MEST: variants seen among roughly 807,000 people sequenced by gnomAD.
The protein encoded by MEST is mesoderm specific transcript.
In MEST, 18 loss-of-function variants were observed where a neutral mutation model predicts 50.9. That is an observed-to-expected ratio of 0.35 (90% CI 0.24 to 0.52). The LOEUF (loss-of-function observed/expected upper bound fraction) is 0.52, where lower values mean the gene tolerates loss of function less well. MEST is among the 20% of genes least tolerant of loss of function. MEST has a pLI of 0.94. For missense variants in MEST, 282 were observed against 425.3 expected (o/e 0.66, Z 2.96); for synonymous variants, 130 against 154.1 (o/e 0.84, Z 1.16).
At position 130,500,809 on chromosome 7, in the gene MEST, C is replaced by T. The variant is rs1406495094; in HGVS notation, c.668C>T (p.Pro223Leu). 5 of 1,612,978 alleles carry T rather than the reference C, an allele frequency of 3.1e-6. No homozygotes were observed. Among genetic ancestry groups the T allele is most frequent in the Admixed American group, 3.3e-5 (2 of 59,810 alleles). Residue 223 changes from proline (P) to leucine (L), a missense_variant, in exon 9 of 12, where the codon CCG becomes CTG. Transcript: ENST00000223215. The surrounding 1 kb of genome is among the most constrained non-coding windows in gnomAD (Gnocchi z 5.0). ...FSRGLTPVFG[P>L]YTRPSESELW... ...TTCAGTCTCACCCCAGTCTTTGGGC[C>T]GTATACTCGGCCCTCTGAGAGTGAG...
rs1309247981 is a variant in MEST, at chr7:130,493,000, C to G, written c.26+661C>G. Among the ~76,000 whole-genome samples, 2 of 152,096 alleles carry G rather than the reference C, an allele frequency of 1.3e-5. No individual in the cohort carries two copies. The highest frequency in any genetic ancestry group is 3.9e-4 in the East Asian group (2 of 5,184). The stretch of plus-strand genomic sequence containing the variant: ...GAACCCCGGTGTCTCCGTGGCGCAC[C>G]TTAGGATTTCAAGAACGGGATAATC... On this transcript the variant is annotated intron_variant, in intron 1 of 11. Coordinates refer to ENST00000223215, the MANE Select transcript of MEST (RefSeq NM_002402.4). This position sits in a 1 kb window ranked among gnomAD's most constrained non-coding sequence, Gnocchi z 7.6.
At chr7:130,494,786 A>T in intron 1 of MEST, 1 of 980,102 alleles carries the variant, frequency 1.0e-6, no homozygotes, top group Non-Finnish European at 1.2e-6. Flanking sequence ...GGAGTACTAA[A>T]TGGGGCTTCA....
chr7:130,498,825 A>G (rs1011558071), intron 6 of MEST: 7 of 347,724 alleles, frequency 2.0e-5, no homozygotes, highest in African/African-American at 1.1e-4. Flanking sequence ...TGAGGAGTGT[A>G]AAGACTGTTT....
In MEST at chr7:130,498,337, T is replaced by G; in HGVS notation, c.476+62T>G. The G allele has an allele frequency of 1.9e-6, 3 of 1,611,772 alleles. No homozygotes were observed. In the South Asian group the frequency reaches 3.3e-5, roughly 18 times the overall value. ...GAAAGTACATTGTTTCTGGACTGTT[T>G]GTATCCTTTTTCTCTCGTTTTCAGC... is the stretch of plus-strand genomic sequence containing the variant. On this transcript the variant is annotated intron_variant, in intron 5 of 11. Transcript: ENST00000223215.
At chr7:130,502,920 A>C (rs1359003375) in intron 10 of MEST, among the ~76,000 whole-genome samples, 200 bp downstream of exon 10, 5 of 151,260 alleles carry the variant, frequency 3.3e-5, no homozygotes, top group Non-Finnish European at 5.9e-5. Flanking sequence ...TACTTACACC[A>C]AAAAAAAATC....
At position 130,500,763 on chromosome 7, in the gene MEST, T is replaced by C. The variant is rs781817044; in HGVS notation, c.648-26T>C. 61 of 1,585,056 alleles carry C rather than the reference T, an allele frequency of 3.8e-5. No homozygotes were observed. The highest frequency in any genetic ancestry group is 5.4e-5 in the African/African-American group (4 of 74,016). On this transcript the variant is annotated intron_variant, in intron 8 of 11. Coordinates refer to ENST00000223215, the MANE Select transcript of MEST (RefSeq NM_002402.4). The surrounding 1 kb of genome is among the most constrained non-coding windows in gnomAD (Gnocchi z 5.0). ...ACATTCTGAGTTCTCCTCACACTTA[T>C]CTTCCTGCGTTTTGGACTCTTTCAG...
chr7:130,496,514 A>G (rs1329088211), intron 2 of MEST: 4 of 232,792 alleles, frequency 1.7e-5, no homozygotes, highest in African/African-American at 9.5e-5. Flanking sequence ...TAGCAAGGTT[A>G]ATATTGTCTA....
chr7:130,489,256 G>A (rs1264616510), upstream of MEST: 1 of 152,230 alleles, frequency 6.6e-6, no homozygotes, highest in Non-Finnish European at 1.5e-5. Context: ...GTTAGACTTG[G>A]AATGTGACAA....
chr7:130,494,889 T>C lies in MEST; in HGVS notation c.27-479T>C, dbSNP rs567368742. 1.0e-4 allele frequency: 99 copies of C among 956,596 alleles called. No homozygotes were observed. In the African/African-American group the frequency reaches 1.6e-3, roughly 15 times the overall value. The allele number at this position is 956,596 out of a possible 1,614,324, so 59.3% of individuals were successfully genotyped here. A position where few individuals can be genotyped will look rare whatever the true frequency, so the allele number is the denominator to read the frequency against. ...CACACACTCTTTAAAACATGAGATA[T>C]AGCACATATATATTTTTTGAACATT... On this transcript the variant is annotated intron_variant, in intron 1 of 11. Coordinates refer to ENST00000223215, the MANE Select transcript of MEST (RefSeq NM_002402.4).
Position 130,497,830 on chromosome 7 carries a change from G to T in MEST, c.262-106G>T. The T allele has an allele frequency of 3.2e-6, 3 of 945,472 alleles. No individual in the cohort carries two copies. Among genetic ancestry groups the T allele is most frequent in the Non-Finnish European group, 3.5e-6 (2 of 578,056 alleles). The allele number at this position is 945,472 out of a possible 1,614,324, so 58.6% of individuals were successfully genotyped here. ...TAGTTTCATGGCGTTTTCTCTTTAT[G>T]GAAGTCTGTTAAGCCAAGATAGGGC... On this transcript the variant is annotated intron_variant, in intron 3 of 11. Transcript: ENST00000223215. The surrounding 1 kb of genome is among the most constrained non-coding windows in gnomAD (Gnocchi z 4.0).
chr7:130,492,233 T>C lies in MEST; in HGVS notation c.-81T>C, dbSNP rs2116225324. 2 of 1,194,196 alleles carry C rather than the reference T, an allele frequency of 1.7e-6. No individual in the cohort carries two copies. The highest frequency in any genetic ancestry group is 2.1e-6 in the Non-Finnish European group (2 of 950,262). 74.0% of individuals were successfully genotyped at this position (1,194,196 alleles called of 1,614,324 possible). A position where few individuals can be genotyped will look rare whatever the true frequency, so the allele number is the denominator to read the frequency against. On this transcript the variant is annotated 5_prime_UTR_variant, in exon 1 of 12. Coordinates refer to ENST00000223215, the MANE Select transcript of MEST (RefSeq NM_002402.4). The surrounding 1 kb of genome is among the most constrained non-coding windows in gnomAD (Gnocchi z 7.6). ...GGGCTGCGGGCTGCGCCCCCGCTGC[T>C]GGCCAGCTCTGCACGGCTGCGGGCT...
intron 1 of MEST, among the ~76,000 whole-genome samples, chr7:130,494,178 G>T (rs577553421): frequency 6.6e-6 from 1 of 152,336 alleles, no homozygotes; most frequent in Admixed American, 6.5e-5. Flanking sequence ...AAAGTATCTT[G>T]TAAGTTGAGG....
chr7:130,490,542 C>T (rs1020934765), upstream of MEST, among the ~76,000 whole-genome samples: 3 of 152,186 alleles, frequency 2.0e-5, no homozygotes, highest in Non-Finnish European at 4.4e-5. Flanking sequence ...TGGCCGGCAC[C>T]GTGGCGGGCT....
chr7:130,501,915 G>C (rs1799288251), intron 9 of MEST, among the ~76,000 whole-genome samples: 2 of 151,634 alleles, frequency 1.3e-5, no homozygotes, highest in Admixed American at 1.3e-4. Flanking sequence ...TTGAGCCCAG[G>C]AAGCGGAGGT....
upstream of MEST, chr7:130,490,113 A>G (rs1047282748): frequency 3.9e-5 from 6 of 152,182 alleles, no homozygotes; most frequent in African/African-American, 1.4e-4. Flanking sequence ...ACCGATTTAG[A>G]TTTTGCAGAG....
At chr7:130,496,112 G>A (rs898596014) in intron 2 of MEST, 2 of 471,246 alleles carry the variant, frequency 4.2e-6, no homozygotes, top group Non-Finnish European at 8.8e-6. Context: ...GAAATGATTT[G>A]TTTTGAGCGG....
chr7:130,501,018 A>G (rs1799258192), intron 9 of MEST, 128 bp downstream of exon 9: 1 of 673,910 alleles, frequency 1.5e-6, no homozygotes. Context: ...GGGGCAAACC[A>G]AAAAGTCATG....
At position 130,500,428 on chromosome 7, in the gene MEST, T is replaced by C. The variant is rs1160266360; in HGVS notation, c.577-34T>C. 1.3e-6 allele frequency: 2 copies of C among 1,594,406 alleles called. No individual in the cohort carries two copies. Among genetic ancestry groups the C allele is most frequent in the Non-Finnish European group, 1.7e-6 (2 of 1,164,788 alleles). On this transcript the variant is annotated intron_variant, in intron 7 of 11. Transcript: ENST00000223215. This position sits in a 1 kb window ranked among gnomAD's most constrained non-coding sequence, Gnocchi z 5.0. ...GCCCCGGTGAGGATCTTCCTCTGGG[T>C]TCTTGAGCTTTACCTCCACTTATTC...
upstream of MEST, among the ~76,000 whole-genome samples, chr7:130,491,668 T>TCGAAC (rs1798817158): frequency 6.6e-6 from 1 of 152,024 alleles, no homozygotes; most frequent in Non-Finnish European, 1.5e-5. This position sits in a 1 kb window ranked among gnomAD's most constrained non-coding sequence, Gnocchi z 6.8. Context: ...CTGCTGCCCC[T>TCGAAC]TAGTTCGAGC....
Sources: gnomAD v4.1 joint callset for allele counts (sites outside exome capture counted in the v4.1 genomes callset) on GRCh38, gnomAD v4.1.1 for gene constraint, Gnocchi (gnomAD v3.1) non-coding constraint, MANE v1.5 for transcripts, NCBI Gene and HGNC (gene_info 2026-07-23, HGNC 2026-07-21) for gene names.